The following TBC1D12 variants were observed in gnomAD, a reference collection of about 807,000 sequenced individuals.
TBC1D12 encodes the protein TBC1 domain family, member 12.
A neutral mutation model predicts 86.7 loss-of-function variants in TBC1D12; 56 were observed. The observed-to-expected ratio is 0.65, with a 90% CI of 0.52 to 0.81. The LOEUF (loss-of-function observed/expected upper bound fraction) is 0.81. TBC1D12 is among the 30% of genes least tolerant of loss of function. TBC1D12 has a pLI of 0.00. For synonymous variants in TBC1D12, 421 were observed against 411.7 expected, an observed-to-expected ratio of 1.02 and a Z score of -0.27; for missense variants, 1,023 against 1,038.8, an observed-to-expected ratio of 0.98 and a Z score of 0.21.
chr10:94,405,046 CAAAAA>C (rs59300913), intron 1 of TBC1D12, among the ~76,000 whole-genome samples: 2 of 112,342 alleles, frequency 1.8e-5, no homozygotes, highest in Non-Finnish European at 1.9e-5. Context: ...AGACTTCTCT[CAAAAA>C]AAAAAAAAAA....
At chr10:94,462,695 A>T (rs902156567) in intron 2 of TBC1D12, among the ~76,000 whole-genome samples, 1 of 60,568 alleles carries the variant, frequency 1.7e-5, no homozygotes, top group Non-Finnish European at 4.0e-5. Context: ...CAATTAAATT[A>T]TTCATATTTT....
rs1406319684 is a variant in TBC1D12 at position 94,517,596 on chromosome 10, A to G, written c.1762-4359A>G. On this transcript the variant is annotated intron_variant, in intron 9 of 12. Coordinates refer to ENST00000225235, the MANE Select transcript of TBC1D12 (RefSeq NM_015188.2). ...TCTGTTAGGTCACTGAATTTATGTA[A>G]AGTGACCACCATATAACTTAACTGG... Among the ~76,000 whole-genome samples, 7 of 151,546 alleles carry G rather than the reference A, an allele frequency of 4.6e-5. No homozygotes were observed. The East Asian group carries it at 1.5e-3, about 33-fold the overall frequency.
chr10:94,522,303 A>G (rs1006521012), intron 10 of TBC1D12, 41 bp from the exon 11 acceptor site: 1 of 1,176,426 alleles, frequency 8.5e-7, no homozygotes, highest in Non-Finnish European at 1.2e-6. Context: ...TTATTTCTAG[A>G]CTATATACTT....
At chr10:94,497,767 A>G (rs1242077673) in intron 5 of TBC1D12, among the ~76,000 whole-genome samples, 4 of 146,066 alleles carry the variant, frequency 2.7e-5, no homozygotes, top group South Asian at 2.1e-4. Flanking sequence ...TTGGGACCCA[A>G]CTGAAATGCT....
chr10:94,500,078 A>G, intron 5 of TBC1D12, 143 bp from the exon 6 acceptor site: 1 of 672,640 alleles, frequency 1.5e-6, no homozygotes, highest in East Asian at 3.0e-5. Context: ...AACGCAAAGA[A>G]AAGAATGCAT....
intron 2 of TBC1D12, among the ~76,000 whole-genome samples, chr10:94,457,694 T>C (rs1181719291): frequency 6.6e-6 from 1 of 152,244 alleles, no homozygotes; most frequent in Non-Finnish European, 1.5e-5. Context: ...CTTTATAATT[T>C]GTTTCCAGTT....
intron 3 of TBC1D12, among the ~76,000 whole-genome samples, chr10:94,481,523 T>G (rs1025297268): frequency 9.9e-5 from 15 of 152,230 alleles, no homozygotes; most frequent in Non-Finnish European, 1.9e-4. Flanking sequence ...ATTCCAGCTT[T>G]TCTTCTGTAA....
intron 2 of TBC1D12, among the ~76,000 whole-genome samples, chr10:94,462,699 A>T (rs999625137): frequency 1.3e-5 from 2 of 150,322 alleles, no homozygotes; most frequent in Non-Finnish European, 3.0e-5. Context: ...TAAATTATTC[A>T]TATTTTCTTA....
chr10:94,457,901 T>C (rs1384723723), intron 2 of TBC1D12, among the ~76,000 whole-genome samples: 1 of 152,188 alleles, frequency 6.6e-6, no homozygotes, highest in Non-Finnish European at 1.5e-5. Flanking sequence ...TGGAGTTTCA[T>C]GTGTAATGCA....
chr10:94,427,393 G>A (rs1723516701), intron 1 of TBC1D12, among the ~76,000 whole-genome samples: 1 of 152,046 alleles, frequency 6.6e-6, no homozygotes, highest in African/African-American at 2.4e-5. Context: ...TACTACCATT[G>A]GTCCTAAAGC....
rs574075578 is a variant in TBC1D12 at position 94,518,409 on chromosome 10, AGGGTCAT to A, written c.1762-3544_1762-3538del. On this transcript the variant is annotated intron_variant, in intron 9 of 12. Coordinates refer to ENST00000225235, the MANE Select transcript of TBC1D12 (RefSeq NM_015188.2). ...TTGTATTTTTAGTAGAGAACCAGTC[AGGGTCAT>A]GTGTGGTATTTAGTTGTTCTTTTTA... Among the ~76,000 whole-genome samples, 456 of 151,956 alleles carry A rather than the reference AGGGTCAT, an allele frequency of 3.0e-3. 2 individuals are homozygous for A. Among genetic ancestry groups the A allele is most frequent in the African/African-American group, 0.01 (434 of 41,498 alleles).
chr10:94,529,117 C>T (rs941507685), intron 11 of TBC1D12, among the ~76,000 whole-genome samples: 1 of 151,898 alleles, frequency 6.6e-6, no homozygotes, highest in Non-Finnish European at 1.5e-5. Flanking sequence ...CTTAAGCAGT[C>T]TGCCCACCTC....
At chr10:94,503,252 TTAA>T (rs2056421621) in intron 6 of TBC1D12, among the ~76,000 whole-genome samples, 1 of 152,204 alleles carries the variant, frequency 6.6e-6, no homozygotes, top group African/African-American at 2.4e-5. Flanking sequence ...GACATATATG[TTAA>T]CATCCAAGTA....
intron 9 of TBC1D12, among the ~76,000 whole-genome samples, chr10:94,513,504 CTCT>C (rs761557144): frequency 1.3e-5 from 2 of 152,014 alleles, no homozygotes; most frequent in African/African-American, 2.4e-5. Flanking sequence ...TATTAACAAG[CTCT>C]TCATTAATAT....
chr10:94,474,846 C>T lies in TBC1D12; in HGVS notation c.1211+63C>T, dbSNP rs923330778. On this transcript the variant is annotated intron_variant, in intron 3 of 12. Transcript: ENST00000225235. ...TTTTAAAGTTAAATTTAATTTTGTT[C>T]ACTATTTTAAAAGATAGCGAGAAAG... 4 of 1,428,196 alleles carry T rather than the reference C, an allele frequency of 2.8e-6. No individual in the cohort carries two copies. In the African/African-American group the frequency reaches 4.3e-5, roughly 15 times the overall value. 88.5% of individuals were successfully genotyped at this position (1,428,196 alleles called of 1,614,324 possible).
intron 6 of TBC1D12, among the ~76,000 whole-genome samples, chr10:94,502,164 C>T (rs2056406657): frequency 6.6e-6 from 1 of 151,844 alleles, no homozygotes. Flanking sequence ...GAAACCCCGT[C>T]TCTACTAAAA....
chr10:94,525,811 A>T (rs531378215), intron 11 of TBC1D12, among the ~76,000 whole-genome samples: 1 of 148,406 alleles, frequency 6.7e-6, no homozygotes, highest in Non-Finnish European at 1.5e-5. Context: ...GTTTTAAAAT[A>T]TTTTTTTTAG....
intron 5 of TBC1D12, among the ~76,000 whole-genome samples, chr10:94,498,983 C>T (rs999785195): frequency 2.6e-5 from 4 of 152,036 alleles, no homozygotes; most frequent in Non-Finnish European, 5.9e-5. Flanking sequence ...GTTGCCCAGG[C>T]TGGTCTCGAA....
chr10:94,419,517 A>G (rs1340560894), intron 1 of TBC1D12, among the ~76,000 whole-genome samples: 1 of 152,108 alleles, frequency 6.6e-6, no homozygotes, highest in Non-Finnish European at 1.5e-5. Context: ...TACTAAAAAT[A>G]GAAAAATTAG....
Sources: allele counts gnomAD v4.1 joint callset (sites outside exome capture counted in the v4.1 genomes callset), GRCh38; gene constraint gnomAD v4.1.1; transcripts MANE v1.5; gene names NCBI Gene and HGNC (gene_info 2026-07-23, HGNC 2026-07-21).